STK39: variants seen among roughly 807,000 people sequenced by gnomAD.
The protein encoded by STK39 is serine/threonine kinase 39.
Under a neutral mutation model 77.8 loss-of-function variants are expected in STK39, and 20 were observed. That is an observed-to-expected ratio of 0.26 (90% CI 0.18 to 0.37). The LOEUF (loss-of-function observed/expected upper bound fraction) is 0.37. STK39 is among the 10% of genes least tolerant of loss of function. The pLI is 1.00. For synonymous variants in STK39, 246 were observed against 234.1 expected, an observed-to-expected ratio of 1.05 and a Z score of -0.47; for missense variants, 479 against 656.5, an observed-to-expected ratio of 0.73 and a Z score of 2.95.
intron 4 of STK39, 93 bp from the exon 5 acceptor site, chr2:168,161,935 G>A (rs1459668191): frequency 1.8e-5 from 15 of 825,172 alleles, no homozygotes; most frequent in Non-Finnish European, 2.5e-5. Context: ...ATCATACAAC[G>A]CAGCTCTTTG....
chr2:168,168,978 G>C (rs1184172391), intron 2 of STK39, among the ~76,000 whole-genome samples: 1 of 151,850 alleles, frequency 6.6e-6, no homozygotes, highest in African/African-American at 2.4e-5. Flanking sequence ...GCAAGATTCT[G>C]TCTCAAAAAA....
intron 2 of STK39, among the ~76,000 whole-genome samples, chr2:168,176,888 A>C (rs930777179): frequency 1.3e-5 from 2 of 152,208 alleles, no homozygotes; most frequent in Non-Finnish European, 2.9e-5. Flanking sequence ...GCTAGTAATT[A>C]GTATTTTTAT....
At chr2:168,197,805 G>C (rs1689509602) in intron 1 of STK39, among the ~76,000 whole-genome samples, 1 of 152,124 alleles carries the variant, frequency 6.6e-6, no homozygotes, top group Non-Finnish European at 1.5e-5. Flanking sequence ...GGAGGCTGAG[G>C]TGGCCGGATC....
At chr2:168,221,522 G>A (rs1690170110) in intron 1 of STK39, among the ~76,000 whole-genome samples, 1 of 152,140 alleles carries the variant, frequency 6.6e-6, no homozygotes, top group African/African-American at 2.4e-5. Context: ...CAACTAGTCC[G>A]CAAGACAGAA....
Position 168,000,899 on chromosome 2 carries a change from T to G in STK39, c.1498+11735A>C, listed in dbSNP as rs141308565. ...AAAAGATGCTTTGAATCTGATGGTC[T>G]GATTTTGAGTAACAAACCTCTCATC... is the stretch of plus-strand genomic sequence containing the variant. On this transcript the variant is annotated intron_variant, in intron 16 of 17. Coordinates refer to ENST00000355999, the MANE Select transcript of STK39 (RefSeq NM_013233.3). Among the ~76,000 whole-genome samples the G allele has an allele frequency of 1.9e-3, 296 of 152,344 alleles. 1 individual carries two copies. Among genetic ancestry groups the G allele is most frequent in the African/African-American group, 6.6e-3 (274 of 41,580 alleles).
chr2:168,212,774 G>A (rs933459723), intron 1 of STK39, among the ~76,000 whole-genome samples: 2 of 152,144 alleles, frequency 1.3e-5, no homozygotes, highest in Non-Finnish European at 2.9e-5. Context: ...ATCATATCAT[G>A]ACCAGTACAG....
Position 167,955,511 on chromosome 2 carries a change from C to T in STK39, c.1623G>A (p.Gln541=). 1 of 1,613,856 alleles carries T rather than the reference C, an allele frequency of 6.2e-7. No homozygotes were observed. ...GGGACATACATCAGCTGACACTCAA[C>T]TGAGCAAACCCAATCAGCTTCACTT... ...PDEVKLIGFA[Q]LSVS is the part of the protein sequence containing the mutation. The change falls in exon 18 of 18, where the codon CAG becomes CAA. Residue 541 remains glutamine (Q), a synonymous_variant. Coordinates refer to ENST00000355999, the MANE Select transcript of STK39 (RefSeq NM_013233.3).
chr2:168,247,286 C>CTCCGGG lies in STK39; in HGVS notation c.149_150insCCCGGA (p.Ala50_Ala51insProGlu). 1 of 1,006,986 alleles carries CTCCGGG rather than the reference C, an allele frequency of 9.9e-7. No individual in the cohort carries two copies. Among genetic ancestry groups the CTCCGGG allele is most frequent in the Non-Finnish European group, 1.2e-6 (1 of 834,276 alleles). The allele number at this position is 1,006,986 out of a possible 1,614,324, so 62.4% of individuals were successfully genotyped here. The stretch of plus-strand genomic sequence containing the variant: ...AGATGGGCCAGCCGACAGCCTGTGC[C>CTCCGGG]GCCGGGGCCGGGGCCGGGGCCGGGG... On this transcript the variant is annotated inframe_insertion, in exon 1 of 18. Transcript: ENST00000355999.
chr2:168,211,935 G>C (rs1689901298), intron 1 of STK39, among the ~76,000 whole-genome samples: 1 of 152,144 alleles, frequency 6.6e-6, no homozygotes, highest in African/African-American at 2.4e-5. Context: ...AGAGGTGGTG[G>C]TTAACTGCCC....
chr2:167,985,410 T>C (rs1374021478), intron 16 of STK39, among the ~76,000 whole-genome samples: 4 of 152,212 alleles, frequency 2.6e-5, no homozygotes, highest in African/African-American at 9.6e-5. Context: ...GCTTGTAATA[T>C]GTCCTGATGT....
chr2:168,133,613 T>G (rs1687757333), intron 8 of STK39, among the ~76,000 whole-genome samples: 1 of 152,024 alleles, frequency 6.6e-6, no homozygotes, highest in Non-Finnish European at 1.5e-5. Context: ...ACACCTGTAA[T>G]CCCAGCACTT....
chr2:168,104,488 A>G (rs12472535), intron 10 of STK39, among the ~76,000 whole-genome samples: 10,943 of 152,272 alleles, frequency 0.072, 699 homozygotes, highest in East Asian at 0.2. Flanking sequence ...AGGAACTGTG[A>G]AGGTGTGAGC....
At chr2:168,146,884 T>C (rs1394612240) in intron 5 of STK39, among the ~76,000 whole-genome samples, 1 of 152,072 alleles carries the variant, frequency 6.6e-6, no homozygotes, top group African/African-American at 2.4e-5. Context: ...AATACGATGA[T>C]TTAGTAGATA....
chr2:168,164,853 C>T (rs1427833648), intron 3 of STK39, among the ~76,000 whole-genome samples: 1 of 152,186 alleles, frequency 6.6e-6, no homozygotes, highest in Admixed American at 6.5e-5. Context: ...GTATTCCAAA[C>T]CCCTGGGTCA....
At chr2:168,198,666 A>C (rs938366156) in intron 1 of STK39, among the ~76,000 whole-genome samples, 1 of 152,210 alleles carries the variant, frequency 6.6e-6, no homozygotes, top group Admixed American at 6.6e-5. Flanking sequence ...ATTTGTCCTC[A>C]CTGGCAAATC....
chr2:168,088,693 A>G (rs1470443951), intron 10 of STK39, among the ~76,000 whole-genome samples: 1 of 152,162 alleles, frequency 6.6e-6, no homozygotes, highest in African/African-American at 2.4e-5. Context: ...CCACTGTGTA[A>G]AAGAAAATGA....
At chr2:167,999,530 C>T (rs1167472573) in intron 16 of STK39, among the ~76,000 whole-genome samples, 4 of 152,006 alleles carry the variant, frequency 2.6e-5, no homozygotes, top group South Asian at 4.2e-4. Flanking sequence ...GGTGCTATCT[C>T]GGCTCATTGC....
chr2:168,245,971 A>G (rs1266409327), intron 1 of STK39, among the ~76,000 whole-genome samples: 1 of 152,122 alleles, frequency 6.6e-6, no homozygotes, highest in Non-Finnish European at 1.5e-5. Flanking sequence ...ATATTTATAT[A>G]TATATTTCCG....
At chr2:168,201,291 A>G (rs1689605412) in intron 1 of STK39, among the ~76,000 whole-genome samples, 1 of 152,258 alleles carries the variant, frequency 6.6e-6, no homozygotes, top group Non-Finnish European at 1.5e-5. Context: ...CATAGCTGGC[A>G]GTGAGACACT....
Sources: gnomAD v4.1 joint callset for allele counts (sites outside exome capture counted in the v4.1 genomes callset) on GRCh38, gnomAD v4.1.1 for gene constraint, MANE v1.5 for transcripts, NCBI Gene and HGNC (gene_info 2026-07-23, HGNC 2026-07-21) for gene names.